The following CAGE1 variants were observed in gnomAD, a reference collection of about 807,000 sequenced individuals.
CAGE1 encodes cancer antigen 1.
CAGE1 carries 66 observed loss-of-function variants against 94.9 expected under a neutral mutation model. The ratio of observed to expected loss-of-function variants is 0.70; its 90% confidence interval spans 0.57 to 0.85. The LOEUF (loss-of-function observed/expected upper bound fraction) is 0.85. CAGE1 is among the 40% of genes least tolerant of loss of function. The pLI is 0.00. For synonymous variants in CAGE1, 319 were observed against 321.0 expected (o/e 0.99, Z 0.07); for missense variants, 865 against 950.4 (o/e 0.91, Z 1.18).
intron 7 of CAGE1, among the ~76,000 whole-genome samples, chr6:7,368,252 CA>C (rs57530544): frequency 0.29 from 24,757 of 84,202 alleles, 1,841 homozygotes; most frequent in East Asian, 0.4. Context: ...GACTCTGTCT[CA>C]AAAAAAAAAA....
intron 9 of CAGE1, among the ~76,000 whole-genome samples, chr6:7,358,408 A>C (rs1760054833): frequency 6.6e-6 from 1 of 152,080 alleles, no homozygotes; most frequent in African/African-American, 2.4e-5. Context: ...CATTGAATGA[A>C]TATATACAAT....
intron 11 of CAGE1, among the ~76,000 whole-genome samples, chr6:7,346,464 A>G (rs1309671673): frequency 6.6e-6 from 1 of 152,106 alleles, no homozygotes; most frequent in Non-Finnish European, 1.5e-5. Flanking sequence ...TGGGAGGATC[A>G]TTTGAGCTCA....
Position 7,362,495 on chromosome 6 carries a change from CT to C in CAGE1, c.2193+2972del, listed in dbSNP as rs972514125. Among the ~76,000 whole-genome samples the C allele has an allele frequency of 4.6e-5, 7 of 152,148 alleles. No individual in the cohort carries two copies. Among genetic ancestry groups the C allele is most frequent in the African/African-American group, 1.4e-4 (6 of 41,442 alleles). ...TGCTTGAGCCAGCAGGAAGGCAAAG[CT>C]GAAGTCAAGGACCCTGTCTCAGGAT... On this transcript the variant is annotated intron_variant, in intron 9 of 13. Transcript: ENST00000502583. This position sits in a 1 kb window ranked among gnomAD's most constrained non-coding sequence, Gnocchi z 4.1.
At chr6:7,347,519 G>A in intron 11 of CAGE1, 1 of 146,086 alleles carries the variant, frequency 6.8e-6, no homozygotes, top group East Asian at 2.1e-4. Context: ...GGGGGGTTGG[G>A]GGGGGCGGTG....
At chr6:7,350,517 C>T (rs1388250703) in intron 11 of CAGE1, among the ~76,000 whole-genome samples, 3 of 152,130 alleles carry the variant, frequency 2.0e-5, no homozygotes, top group Non-Finnish European at 4.4e-5. Context: ...GGCCATAAAA[C>T]GAGCCTCAAT....
chr6:7,374,089 G>A lies in CAGE1; in HGVS notation c.730C>T (p.Pro244Ser), dbSNP rs754830253. 1.1e-5 allele frequency: 17 copies of A among 1,613,782 alleles called. No individual in the cohort carries two copies. Among genetic ancestry groups the A allele is most frequent in the Non-Finnish European group, 1.4e-5 (16 of 1,179,844 alleles). ...SKEIQNYGEI[P>S]EMSVSYEKEV... ...TTTTCATAACTGACTGACATCTCAG[G>A]AATCTCCCCATAATTCTGTATTTCT... The change falls in exon 5 of 14, where the codon CCT becomes TCT. Residue 244 changes from proline (P) to serine (S), a missense_variant. Physicochemically the swap from Pro to Ser is moderately conservative, Grantham distance 74 (BLOSUM62 -1). Coordinates refer to ENST00000502583, the MANE Select transcript of CAGE1 (RefSeq NM_001170692.2).
At chr6:7,375,341 G>A (rs1218777866) in intron 4 of CAGE1, among the ~76,000 whole-genome samples, 2 of 151,648 alleles carry the variant, frequency 1.3e-5, no homozygotes, top group Non-Finnish European at 2.9e-5. Context: ...CCCTGGAGGT[G>A]GAGGCTACAG....
At chr6:7,360,188 A>G (rs1475865354) in intron 9 of CAGE1, among the ~76,000 whole-genome samples, 1 of 152,178 alleles carries the variant, frequency 6.6e-6, no homozygotes, top group African/African-American at 2.4e-5. Context: ...ATCCAGGATA[A>G]TGTACCCCTG....
At chr6:7,335,560 T>C (rs1029263288) in intron 11 of CAGE1, among the ~76,000 whole-genome samples, 3 of 152,194 alleles carry the variant, frequency 2.0e-5, no homozygotes, top group African/African-American at 7.2e-5. Flanking sequence ...TGAGATCAGA[T>C]CTTCTTGTTT....
chr6:7,349,943 AAAAAG>A (rs765756744), intron 11 of CAGE1, among the ~76,000 whole-genome samples: 4 of 133,338 alleles, frequency 3.0e-5, no homozygotes, highest in African/African-American at 1.1e-4. Flanking sequence ...AAAAAAAAAA[AAAAAG>A]AAAGAAAGAA....
At chr6:7,342,132 A>G in intron 11 of CAGE1, 1 of 1,007,884 alleles carries the variant, frequency 9.9e-7, no homozygotes, top group Non-Finnish European at 1.6e-6. Flanking sequence ...AGGCAGCTTC[A>G]CAATCACTCA....
intron 11 of CAGE1, among the ~76,000 whole-genome samples, chr6:7,343,198 A>AAAAAGAAAAG (rs1554136906): frequency 0.07 from 9,565 of 136,920 alleles, 1,086 homozygotes; most frequent in African/African-American, 0.23. Context: ...CACAAAAAAA[A>AAAAAGAAAAG]AAAAGAAAAG....
chr6:7,381,968 T>C (rs897729093), intron 3 of CAGE1, among the ~76,000 whole-genome samples: 3 of 151,972 alleles, frequency 2.0e-5, no homozygotes, highest in South Asian at 4.1e-4. Flanking sequence ...GCCTCCCAAG[T>C]AGCTGGGACT....
intron 11 of CAGE1, among the ~76,000 whole-genome samples, chr6:7,344,480 C>T (rs1271308075): frequency 7.2e-5 from 11 of 152,240 alleles, no homozygotes; most frequent in Admixed American, 5.9e-4. Flanking sequence ...ACCTACAGCC[C>T]GCCATGCCTG....
intron 12 of CAGE1, 68 bp from the exon 13 acceptor site, chr6:7,329,956 G>C (rs1462138179): frequency 1.5e-6 from 1 of 672,176 alleles, no homozygotes; most frequent in Non-Finnish European, 2.7e-6. Flanking sequence ...AACATGGTGA[G>C]CAAGTTGCCA....
chr6:7,333,701 C>T (rs998150854), intron 12 of CAGE1, among the ~76,000 whole-genome samples: 1 of 145,554 alleles, frequency 6.9e-6, no homozygotes, highest in African/African-American at 2.5e-5. Flanking sequence ...CAGAGTCCCA[C>T]TCTGTTGCTC....
chr6:7,378,455 A>ATG (rs2113463726), intron 4 of CAGE1, among the ~76,000 whole-genome samples, 162 bp downstream of exon 4: 1 of 152,198 alleles, frequency 6.6e-6, no homozygotes, highest in South Asian at 2.1e-4. Flanking sequence ...CTCAGATTAT[A>ATG]TATATATATA....
chr6:7,358,505 A>G (rs2113417744), intron 9 of CAGE1, among the ~76,000 whole-genome samples: 1 of 152,248 alleles, frequency 6.6e-6, no homozygotes, highest in Non-Finnish European at 1.5e-5. Context: ...AAGACCTCAT[A>G]CATATTTGTA....
intron 11 of CAGE1, chr6:7,347,300 C>A (rs1377632593): frequency 3.3e-5 from 5 of 152,174 alleles, no homozygotes; most frequent in African/African-American, 1.2e-4. Flanking sequence ...GAAAGGGAGA[C>A]CCTCTGCTCC....
Sources: allele counts gnomAD v4.1 joint callset (sites outside exome capture counted in the v4.1 genomes callset), GRCh38; gene constraint gnomAD v4.1.1; non-coding constraint Gnocchi (gnomAD v3.1); transcripts MANE v1.5; gene names NCBI Gene and HGNC (gene_info 2026-07-23, HGNC 2026-07-21).